The following WWOX variants were observed in gnomAD, a reference collection of about 807,000 sequenced individuals.
WWOX encodes WW domain containing oxidoreductase, also known as WW domain-containing oxidoreductase.
In WWOX, 69 loss-of-function variants were observed where a neutral mutation model predicts 46.2. The observed-to-expected ratio is 1.49, with a 90% CI of 1.23 to 1.82. The LOEUF (loss-of-function observed/expected upper bound fraction) is 1.82. Ranked by LOEUF, WWOX falls within the 40% of genes most tolerant of loss-of-function variation. The pLI is 0.00. For missense variants in WWOX, 919 were observed against 542.6 expected, an observed-to-expected ratio of 1.69 and a Z score of -6.89; for synonymous variants, 359 against 202.6, an observed-to-expected ratio of 1.77 and a Z score of -6.56.
chr16:79,171,765 T>C (rs903759467), intron 8 of WWOX, among the ~76,000 whole-genome samples: 1 of 152,190 alleles, frequency 6.6e-6, no homozygotes, highest in Non-Finnish European at 1.5e-5. Flanking sequence ...GTAAAGTTCA[T>C]TGTCTTATTT....
chr16:78,678,367 C>A (rs1597433858), intron 8 of WWOX, among the ~76,000 whole-genome samples: 1 of 152,228 alleles, frequency 6.6e-6, no homozygotes, highest in East Asian at 1.9e-4. Flanking sequence ...CAGAGCGAGA[C>A]CTTCTGTCTA....
chr16:78,231,931 G>T (rs2037279742), intron 5 of WWOX, among the ~76,000 whole-genome samples: 1 of 151,940 alleles, frequency 6.6e-6, no homozygotes, highest in Non-Finnish European at 1.5e-5. Flanking sequence ...GGAATTCAGT[G>T]TTTTTATTTA....
chr16:78,926,612 C>G (rs2045504497), intron 8 of WWOX, among the ~76,000 whole-genome samples: 2 of 152,258 alleles, frequency 1.3e-5, no homozygotes, highest in South Asian at 2.1e-4. Flanking sequence ...AGTGGTTTGT[C>G]AGTTCTTTCA....
chr16:78,735,274 T>TC (rs1222476296), intron 8 of WWOX, among the ~76,000 whole-genome samples: 1 of 152,054 alleles, frequency 6.6e-6, no homozygotes, highest in African/African-American at 2.4e-5. Flanking sequence ...CTCCTGGCTC[T>TC]CCACCTTGCC....
chr16:78,326,103 C>A (rs1215007016), intron 5 of WWOX, among the ~76,000 whole-genome samples: 2 of 152,136 alleles, frequency 1.3e-5, no homozygotes, highest in Non-Finnish European at 2.9e-5. Context: ...TTGAGCTCCC[C>A]TCCAGAAGTC....
chr16:78,354,829 A>G (rs921554866), intron 5 of WWOX, among the ~76,000 whole-genome samples: 4 of 152,148 alleles, frequency 2.6e-5, no homozygotes, highest in African/African-American at 7.2e-5. Context: ...AAATTTTCAT[A>G]TATCATCAAA....
chr16:79,060,592 A>G (rs150998929), intron 8 of WWOX, among the ~76,000 whole-genome samples: 1 of 152,392 alleles, frequency 6.6e-6, no homozygotes, highest in African/African-American at 2.4e-5. Context: ...AGAAGAATGC[A>G]GTGACATATG....
intron 8 of WWOX, among the ~76,000 whole-genome samples, chr16:79,134,425 G>A (rs1469767859): frequency 6.6e-6 from 1 of 152,098 alleles, no homozygotes. Context: ...GGGGCTGGAG[G>A]GACTGAAGTT....
chr16:78,615,146 AC>A (rs1426849638), intron 8 of WWOX, among the ~76,000 whole-genome samples: 2 of 152,188 alleles, frequency 1.3e-5, no homozygotes, highest in Non-Finnish European at 2.9e-5. Context: ...AAATTAAAAT[AC>A]TCACATTCCC....
rs544941016 is a variant in WWOX at position 78,782,406 on chromosome 16, G to A, written c.1056+349654G>A. Among the ~76,000 whole-genome samples the A allele has an allele frequency of 3.3e-5, 5 of 152,176 alleles. No homozygotes were observed. The East Asian group carries it at 5.8e-4, about 18-fold the overall frequency. On this transcript the variant is annotated intron_variant, in intron 8 of 8. Coordinates refer to ENST00000566780, the MANE Select transcript of WWOX (RefSeq NM_016373.4). The stretch of plus-strand genomic sequence containing the variant: ...TCTCTTTCCCACAATCTAGGAGAAA[G>A]GTAGAGCTCTCTTATGCTGGGGCAA...
At chr16:78,353,024 G>A (rs532278254) in intron 5 of WWOX, among the ~76,000 whole-genome samples, 1 of 152,098 alleles carries the variant, frequency 6.6e-6, no homozygotes, top group Non-Finnish European at 1.5e-5. Flanking sequence ...TAATTTATTC[G>A]TCTTTCTTCT....
intron 8 of WWOX, among the ~76,000 whole-genome samples, chr16:78,919,065 GC>G (rs2045316871): frequency 6.6e-6 from 1 of 152,092 alleles, no homozygotes; most frequent in African/African-American, 2.4e-5. Context: ...GCCAAGGGGG[GC>G]TGTTCCTGTT....
chr16:78,470,451 C>G (rs2738677), intron 8 of WWOX, among the ~76,000 whole-genome samples: 28,346 of 152,184 alleles, frequency 0.19, 5,305 homozygotes, highest in African/African-American at 0.48. Flanking sequence ...AGCATGCTTC[C>G]TTCCCTCTAC....
At chr16:78,606,353 A>T (rs2045756267) in intron 8 of WWOX, among the ~76,000 whole-genome samples, 1 of 152,168 alleles carries the variant, frequency 6.6e-6, no homozygotes, top group South Asian at 2.1e-4. Context: ...TTTACTATTA[A>T]TGTAGAAGTA....
At chr16:78,431,173 G>A (rs555591442) in intron 7 of WWOX, among the ~76,000 whole-genome samples, 7 of 152,310 alleles carry the variant, frequency 4.6e-5, no homozygotes, top group Middle Eastern at 3.4e-3. Context: ...CAAACAGCTG[G>A]TGTTTAACGA....
chr16:78,102,720 ACTC>A (rs776223749), intron 1 of WWOX, among the ~76,000 whole-genome samples: 10 of 151,974 alleles, frequency 6.6e-5, no homozygotes, highest in Non-Finnish European at 1.3e-4. Context: ...TTGGCTGTGT[ACTC>A]CTCCTTGTTG....
intron 8 of WWOX, among the ~76,000 whole-genome samples, chr16:79,087,373 T>C (rs2048873084): frequency 6.6e-6 from 1 of 152,322 alleles, no homozygotes; most frequent in Middle Eastern, 3.4e-3. Flanking sequence ...GCCAGTTACA[T>C]ATCAAAGAAT....
intron 8 of WWOX, among the ~76,000 whole-genome samples, chr16:78,721,303 C>A (rs1039469357): frequency 2.0e-5 from 3 of 152,188 alleles, no homozygotes; most frequent in Non-Finnish European, 2.9e-5. Context: ...TCTATTTCCC[C>A]CTTTTCTTCT....
intron 5 of WWOX, among the ~76,000 whole-genome samples, chr16:78,164,542 A>G (rs1259572472): frequency 2.0e-5 from 3 of 152,134 alleles, no homozygotes; most frequent in Non-Finnish European, 4.4e-5. Context: ...TTCTTCCTTT[A>G]ACTCATTTAT....
Sources: allele counts gnomAD v4.1 joint callset (sites outside exome capture counted in the v4.1 genomes callset), GRCh38; gene constraint gnomAD v4.1.1; transcripts MANE v1.5; gene names NCBI Gene and HGNC (gene_info 2026-07-23, HGNC 2026-07-21).